The following OSMR variants were observed in gnomAD, a reference collection of about 807,000 sequenced individuals.
OSMR encodes oncostatin M receptor, also known as oncostatin-M-specific receptor subunit beta.
OSMR carries 81 observed loss-of-function variants against 99.9 expected under a neutral mutation model. The ratio of observed to expected loss-of-function variants is 0.81; its 90% CI spans 0.68 to 0.97. The LOEUF is 0.97. Ranked by LOEUF, OSMR falls within the 50% of genes least tolerant of loss-of-function variation. OSMR has a pLI of 0.00. For synonymous variants in OSMR, 406 were observed against 410.4 expected, an observed-to-expected ratio of 0.99 and a Z score of 0.13; for missense variants, 1,099 against 1,153.4, an observed-to-expected ratio of 0.95 and a Z score of 0.68.
intron 7 of OSMR, among the ~76,000 whole-genome samples, chr5:38,898,364 C>G (rs1313951155): frequency 3.3e-5 from 5 of 152,192 alleles, no homozygotes; most frequent in African/African-American, 1.2e-4. Flanking sequence ...TACTTTGCAT[C>G]TCCGTATAGG....
At chr5:38,931,541 CA>C (rs201669109) in intron 15 of OSMR, among the ~76,000 whole-genome samples, 2,620 of 152,310 alleles carry the variant, frequency 0.017, 23 homozygotes, top group Non-Finnish European at 0.026. Flanking sequence ...GGCTGAGCCC[CA>C]AGTCAAGGGG....
Position 38,921,620 on chromosome 5 carries a change from G to A in OSMR, c.1591G>A (p.Val531Ile), listed in dbSNP as rs201975697. Residue 531 changes from valine (V) to isoleucine (I), a missense_variant, in exon 12 of 18, where the codon GTT (valine) becomes ATT (isoleucine). Physicochemically the swap from Val to Ile is conservative, Grantham distance 29 (BLOSUM62 3). Transcript: ENST00000274276. Reference protein sequence around the residue: ...VISADPENKEVEEERIAGTEG... With the variant: ...VISADPENKEIEEERIAGTEG... ...CTCTATTTGTTTATATACAGAAGAG[G>A]TTGAGGAAGAAAGAATTGCAGGCAC... 455 of 1,614,106 alleles carry A rather than the reference G, an allele frequency of 2.8e-4. No homozygotes were observed. The highest frequency in any genetic ancestry group is 1.7e-3 in the Middle Eastern group (10 of 6,054).
At chr5:38,916,983 T>C (rs1745936211) in intron 9 of OSMR, among the ~76,000 whole-genome samples, 1 of 151,972 alleles carries the variant, frequency 6.6e-6, no homozygotes, top group Non-Finnish European at 1.5e-5. Flanking sequence ...GTGCTGCAGG[T>C]GCCTTAAGTG....
chr5:38,894,282 C>T (rs1454461949), intron 7 of OSMR, among the ~76,000 whole-genome samples: 1 of 152,038 alleles, frequency 6.6e-6, no homozygotes, highest in African/African-American at 2.4e-5. Context: ...AAACTACAAC[C>T]AGCTAACAAC....
intron 2 of OSMR, among the ~76,000 whole-genome samples, chr5:38,873,573 A>G (rs1162235648): frequency 6.6e-6 from 1 of 152,154 alleles, no homozygotes; most frequent in Non-Finnish European, 1.5e-5. Context: ...CGTTTTCAAC[A>G]AGGTGGAGCC....
chr5:38,888,630 TTTTAAA>T (rs552908203), intron 7 of OSMR, among the ~76,000 whole-genome samples: 3 of 152,224 alleles, frequency 2.0e-5, no homozygotes, highest in Non-Finnish European at 2.9e-5. Flanking sequence ...ATTTTGAAAT[TTTTAAA>T]TTTTAACTCC....
rs149348629 is a variant in OSMR at position 38,911,176 on chromosome 5, A to G, written c.1286-6370A>G. 6.4e-3 allele frequency among the ~76,000 whole-genome samples: 982 copies of G among 152,314 alleles called. 6 individuals carry two copies. Among genetic ancestry groups the G allele is most frequent in the African/African-American group, 0.022 (931 of 41,576 alleles). ...GGAGTTATTAAGAAGAATAAGTTTC[A>G]TAGATCACGACCTAGACTAATAAAG... On this transcript the variant is annotated intron_variant, in intron 9 of 17. Transcript: ENST00000274276.
chr5:38,921,643 C>T lies in OSMR; in HGVS notation c.1614C>T (p.Gly538=). The change falls in exon 12 of 18, where the codon GGC becomes GGT. Residue 538 remains glycine, a synonymous_variant. Transcript: ENST00000274276. ...AGGTTGAGGAAGAAAGAATTGCAGG[C>T]ACAGAGGGTGGATTCTCTCTGTCTT... is the stretch of plus-strand genomic sequence containing the variant. ...NKEVEEERIA[G]TEGGFSLSWK... 2 of 1,614,026 alleles carry T rather than the reference C, an allele frequency of 1.2e-6. No individual in the cohort carries two copies. The highest frequency in any genetic ancestry group is 8.5e-7 in the Non-Finnish European group (1 of 1,179,944).
rs149633182 is a variant in OSMR at position 38,889,101 on chromosome 5, G to T, written c.991+2911G>T. On this transcript the variant is annotated intron_variant, in intron 7 of 17. Coordinates refer to ENST00000274276, the MANE Select transcript of OSMR (RefSeq NM_003999.3). The stretch of plus-strand genomic sequence containing the variant: ...TGGTTTTTTTGCCTAGATGCCCAGA[G>T]GATTTTTTTCTTTTTCTTTAAAACC... Among the ~76,000 whole-genome samples the T allele has an allele frequency of 3.9e-3, 599 of 151,916 alleles. 4 individuals are homozygous for T. Among genetic ancestry groups the T allele is most frequent in the African/African-American group, 0.013 (559 of 41,420 alleles).
chr5:38,922,720 A>G (rs1192065689), intron 12 of OSMR, among the ~76,000 whole-genome samples: 2 of 152,174 alleles, frequency 1.3e-5, no homozygotes, highest in African/African-American at 4.8e-5. Context: ...TGGGGATGAA[A>G]TACAAAATTC....
chr5:38,861,789 C>A (rs1398515063), intron 1 of OSMR, among the ~76,000 whole-genome samples: 5 of 149,808 alleles, frequency 3.3e-5, no homozygotes, highest in African/African-American at 1.2e-4. Flanking sequence ...GCTGGCCGGG[C>A]AGAGGGGCTC....
chr5:38,935,770 A>G (rs1746990849), downstream of OSMR: 1 of 152,184 alleles, frequency 6.6e-6, no homozygotes, highest in Non-Finnish European at 1.5e-5. Flanking sequence ...CTTAATCAGA[A>G]TCTTTGGGGC....
At chr5:38,889,777 TTC>T (rs1255357264) in intron 7 of OSMR, among the ~76,000 whole-genome samples, 1 of 152,222 alleles carries the variant, frequency 6.6e-6, no homozygotes, top group Non-Finnish European at 1.5e-5. Context: ...TGAAAATTAA[TTC>T]TTTTTATTGT....
chr5:38,943,119 T>G lies in OSMR; in HGVS notation c.75-1082T>G, dbSNP rs1034435606. 4 of 526,048 alleles carry G rather than the reference T, an allele frequency of 7.6e-6. No individual in the cohort carries two copies. The African/African-American group carries it at 7.6e-5, about 10-fold the overall frequency. 32.6% of individuals were successfully genotyped at this position (526,048 alleles called of 1,614,324 possible). ...GTGATGACTTGAGAATATAAAATAT[T>G]AAATATTCCTGTCACACACTTAGAC... is the stretch of plus-strand genomic sequence containing the variant. On this transcript the variant is annotated intron_variant and NMD_transcript_variant, in intron 1 of 2. Transcript: ENST00000508882.
chr5:38,922,015 C>G (rs1048239446), intron 12 of OSMR, among the ~76,000 whole-genome samples: 4 of 152,180 alleles, frequency 2.6e-5, no homozygotes, highest in African/African-American at 9.7e-5. Context: ...GAGGTGGGAA[C>G]TGATTTTCAT....
chr5:38,892,631 G>A (rs2112459408), intron 7 of OSMR, among the ~76,000 whole-genome samples: 1 of 152,184 alleles, frequency 6.6e-6, no homozygotes, highest in South Asian at 2.1e-4. Flanking sequence ...CCACATCGGA[G>A]AACAGACAAG....
intron 1 of OSMR, among the ~76,000 whole-genome samples, chr5:38,852,718 ATTTT>A (rs61559728): frequency 8.5e-5 from 6 of 70,670 alleles, no homozygotes; most frequent in African/African-American, 3.2e-4. Flanking sequence ...TATTGTTTTC[ATTTT>A]TTTTTTTTTT....
downstream of OSMR, chr5:38,939,689 CAAT>C (rs1022812377): frequency 4.3e-5 from 10 of 230,062 alleles, no homozygotes; most frequent in Admixed American, 5.1e-4. Context: ...CCCAATTATT[CAAT>C]AATTACCAAT....
Position 38,933,362 on chromosome 5 carries a change from T to TGCGTCTTGCCTTGCCTCCCC in OSMR, c.2859_2878dup (p.Pro960ArgfsTer20). On this transcript the variant is annotated frameshift_variant, in exon 18 of 18. Coordinates refer to ENST00000274276, the MANE Select transcript of OSMR (RefSeq NM_003999.3). LOFTEE classifies it low-confidence loss of function (END_TRUNC). ...TATAAAATGCAAATGGCAGTCTCCCTGCGTCTTGCCTTGCCTCCCCCGACC... is the reference window on the plus strand; with the variant it reads ...TATAAAATGCAAATGGCAGTCTCCCTGCGTCTTGCCTTGCCTCCCCGCGTCTTGCCTTGCCTCCCCCGACC... The TGCGTCTTGCCTTGCCTCCCC allele has an allele frequency of 6.2e-7, 1 of 1,614,140 alleles. No individual in the cohort carries two copies. The highest frequency in any genetic ancestry group is 1.1e-5 in the South Asian group (1 of 91,074).
Sources: gnomAD v4.1 joint callset for allele counts (sites outside exome capture counted in the v4.1 genomes callset) on GRCh38, gnomAD v4.1.1 for gene constraint, MANE v1.5 for transcripts, NCBI Gene and HGNC (gene_info 2026-07-23, HGNC 2026-07-21) for gene names.